Variants in DMC1 observed in about 807,000 individuals in gnomAD.
The protein encoded by DMC1 is DNA meiotic recombinase 1, also known as meiotic recombination protein DMC1 homolog.
Under a neutral mutation model 50.1 loss-of-function variants are expected in DMC1, and 27 were observed. The ratio of observed to expected loss-of-function variants is 0.54; its 90% CI spans 0.40 to 0.74. DMC1 has a LOEUF of 0.74. Among genes scored for constraint, DMC1 ranks in the 30% least tolerant of loss-of-function variants. DMC1 has a pLI of 0.00. For synonymous variants in DMC1, 148 were observed against 136.1 expected (o/e 1.09, Z -0.61); for missense variants, 295 against 420.2 (o/e 0.70, Z 2.60).
At chr22:38,554,442 A>AG (rs1181141451) in intron 6 of DMC1, among the ~76,000 whole-genome samples, 18 of 149,174 alleles carry the variant, frequency 1.2e-4, no homozygotes, top group Non-Finnish European at 1.6e-4. Flanking sequence ...CCAAGTCAAC[A>AG]GAAAAAAAAA....
chr22:38,543,941 GAC>G (rs1000870101), intron 8 of DMC1, among the ~76,000 whole-genome samples: 4 of 152,172 alleles, frequency 2.6e-5, no homozygotes, highest in African/African-American at 9.7e-5. Context: ...ATAGGGGAAT[GAC>G]ACAGCAGTAG....
intron 6 of DMC1, among the ~76,000 whole-genome samples, chr22:38,553,420 C>T (rs1398392388): frequency 8.8e-5 from 13 of 147,452 alleles, no homozygotes; most frequent in African/African-American, 3.0e-4. Flanking sequence ...ATGGTGTGAA[C>T]TCGGGAGGCG....
intron 1 of DMC1, 141 bp from the exon 2 acceptor site, chr22:38,568,430 C>T (rs527907132): frequency 1.4e-5 from 9 of 651,950 alleles, no homozygotes; most frequent in South Asian, 3.5e-5. Context: ...CTTCTTTCTG[C>T]GAGACATGTG....
intron 7 of DMC1, among the ~76,000 whole-genome samples, chr22:38,550,737 C>A (rs2090395227): frequency 1.3e-5 from 2 of 150,552 alleles, no homozygotes; most frequent in African/African-American, 4.9e-5. Context: ...TCAAGACCAG[C>A]ATGACCAACA....
At chr22:38,518,515 T>C (rs374415511), downstream of DMC1, among the ~76,000 whole-genome samples, 5 of 152,002 alleles carry the variant, frequency 3.3e-5, no homozygotes, top group Non-Finnish European at 7.4e-5. Flanking sequence ...CTTCGAATAC[T>C]TGAATTTTCT....
At chr22:38,521,923 G>C (rs1312842393) in intron 12 of DMC1, among the ~76,000 whole-genome samples, 199 bp from the exon 13 acceptor site, 2 of 151,706 alleles carry the variant, frequency 1.3e-5, no homozygotes, top group African/African-American at 2.4e-5. Context: ...CTAGGCTTTT[G>C]AGATTCCTAT....
intron 8 of DMC1, among the ~76,000 whole-genome samples, chr22:38,542,923 C>T (rs1051505007): frequency 5.3e-5 from 8 of 152,124 alleles, no homozygotes; most frequent in South Asian, 2.1e-4. Context: ...AACTCATTTT[C>T]GACAAAGGTG....
At chr22:38,564,859 T>G (rs1264856445) in intron 4 of DMC1, among the ~76,000 whole-genome samples, 1 of 152,062 alleles carries the variant, frequency 6.6e-6, no homozygotes, top group Non-Finnish European at 1.5e-5. Flanking sequence ...ACTGCCTGAG[T>G]GTACTCAGAA....
the DMC1 span, among the ~76,000 whole-genome samples, chr22:38,513,327 A>G: frequency 6.6e-6 from 1 of 152,180 alleles, no homozygotes; most frequent in African/African-American, 2.4e-5. Context: ...CTGTCACTTC[A>G]TATTCAATGT....
At chr22:38,559,608 T>C (rs1199984316) in intron 5 of DMC1, among the ~76,000 whole-genome samples, 1 of 152,236 alleles carries the variant, frequency 6.6e-6, no homozygotes, top group Non-Finnish European at 1.5e-5. Context: ...CAACAAATAT[T>C]TATTGCACAC....
At chr22:38,534,818 G>A (rs1231971329) in intron 12 of DMC1, among the ~76,000 whole-genome samples, 4 of 151,434 alleles carry the variant, frequency 2.6e-5, no homozygotes, top group African/African-American at 9.7e-5. Flanking sequence ...CCTGGCCAAC[G>A]TGGTGAAACC....
At chr22:38,555,482 C>G (rs2090460217) in intron 5 of DMC1, 73 bp from the exon 6 acceptor site, 2 of 953,874 alleles carry the variant, frequency 2.1e-6, no homozygotes, top group Admixed American at 3.5e-5. Flanking sequence ...GTATTCATAT[C>G]ATTAGTATCC....
intron 8 of DMC1, among the ~76,000 whole-genome samples, chr22:38,539,660 T>C (rs2090258791): frequency 6.6e-6 from 1 of 152,202 alleles, no homozygotes; most frequent in Non-Finnish European, 1.5e-5. Context: ...AACTATTAAA[T>C]TATCAAAACT....
the DMC1 span, among the ~76,000 whole-genome samples, chr22:38,513,215 C>T: frequency 6.6e-6 from 1 of 152,210 alleles, no homozygotes; most frequent in Non-Finnish European, 1.5e-5. Flanking sequence ...CAGGAACAGC[C>T]TGGTCAGGCC....
Position 38,521,572 on chromosome 22 carries a change from CACACACACACACACACAA to C in DMC1, c.953+18_953+35del, listed in dbSNP as rs2090025797. 1.6e-6 allele frequency: 2 copies of C among 1,240,962 alleles called. No homozygotes were observed. Among genetic ancestry groups the C allele is most frequent in the African/African-American group, 1.5e-5 (1 of 65,980 alleles). 76.9% of individuals were successfully genotyped at this position (1,240,962 alleles called of 1,614,324 possible). On this transcript the variant is annotated intron_variant, in intron 13 of 13. Transcript: ENST00000216024. ...ACACACACACACACACACACACACA[CACACACACACACACACAA>C]AATAAAAAAAAATTTACCTGTCATA...
At chr22:38,510,447 T>G in the DMC1 span, among the ~76,000 whole-genome samples, 1 of 152,082 alleles carries the variant, frequency 6.6e-6, no homozygotes, top group African/African-American at 2.4e-5. Flanking sequence ...AGAGCAAGAC[T>G]CTGTGTCTAA....
At chr22:38,566,796 A>T in intron 3 of DMC1, 60 bp from the exon 4 acceptor site, 1 of 1,544,266 alleles carries the variant, frequency 6.5e-7, no homozygotes. Context: ...AGGCTCCCAT[A>T]CTATGTCATG....
At chr22:38,565,663 T>C (rs1024704040) in intron 4 of DMC1, among the ~76,000 whole-genome samples, 12 of 152,224 alleles carry the variant, frequency 7.9e-5, no homozygotes, top group Admixed American at 3.3e-4. Flanking sequence ...CTGGCTCACC[T>C]TTGGGCAAAG....
At chr22:38,520,726 T>C (rs1157275323) in intron 13 of DMC1, among the ~76,000 whole-genome samples, 1 of 152,088 alleles carries the variant, frequency 6.6e-6, no homozygotes, top group African/African-American at 2.4e-5. Flanking sequence ...TCTGATTCTA[T>C]AGGGGTATGC....
Sources: gnomAD v4.1 joint callset for allele counts (sites outside exome capture counted in the v4.1 genomes callset) on GRCh38, gnomAD v4.1.1 for gene constraint, MANE v1.5 for transcripts, NCBI Gene and HGNC (gene_info 2026-07-23, HGNC 2026-07-21) for gene names.